The following CDK19 variants were observed in gnomAD, a reference collection of about 807,000 sequenced individuals.
CDK19 encodes the protein cyclin dependent kinase 19.
A neutral mutation model predicts 68.3 loss-of-function variants in CDK19; 20 were observed. The observed-to-expected ratio is 0.29, with a 90% confidence interval of 0.21 to 0.43. The LOEUF (loss-of-function observed/expected upper bound fraction) is 0.43, where lower values mean the gene tolerates loss of function less well. Among genes scored for constraint, CDK19 ranks in the 20% least tolerant of loss-of-function variants. The pLI, the probability that CDK19 is intolerant of heterozygous loss-of-function variation, is 1.00. For synonymous variants in CDK19, 221 were observed against 222.8 expected (o/e 0.99, Z 0.07); for missense variants, 339 against 623.5 (o/e 0.54, Z 4.86).
intron 1 of CDK19, among the ~76,000 whole-genome samples, chr6:110,760,915 C>T (rs115641699): frequency 0.014 from 2,117 of 152,254 alleles, 52 homozygotes; most frequent in African/African-American, 0.049. Flanking sequence ...GTGCTTTAAT[C>T]GCTATAGTGA....
chr6:110,764,806 C>T (rs1779458344), intron 1 of CDK19, among the ~76,000 whole-genome samples: 1 of 151,890 alleles, frequency 6.6e-6, no homozygotes, highest in African/African-American at 2.4e-5. Flanking sequence ...CAAAAATTTG[C>T]TGGGCGTGAT....
intron 4 of CDK19, among the ~76,000 whole-genome samples, chr6:110,642,057 C>A (rs1047906528): frequency 6.6e-6 from 1 of 152,004 alleles, no homozygotes; most frequent in African/African-American, 2.4e-5. Flanking sequence ...AATCCCAGCA[C>A]TTTGGGAGAC....
chr6:110,655,244 T>C (rs1781233889), intron 4 of CDK19, among the ~76,000 whole-genome samples: 1 of 151,632 alleles, frequency 6.6e-6, no homozygotes. Context: ...CACGCACCTG[T>C]AGTCCTAGCT....
At chr6:110,656,020 G>A (rs1377548199) in intron 4 of CDK19, among the ~76,000 whole-genome samples, 1 of 152,090 alleles carries the variant, frequency 6.6e-6, no homozygotes, top group Non-Finnish European at 1.5e-5. Flanking sequence ...TGCCTGGAAT[G>A]CTCTCCCCAC....
In CDK19 at chr6:110,631,250, A is replaced by C. The variant is rs183518230; in HGVS notation, c.646+780T>G. ...TTAGGAAATTTGGATACCTTGTAGAACTATCCCTTCTAACAGCTACAATGT... is the reference window on the plus strand; with the variant it reads ...TTAGGAAATTTGGATACCTTGTAGACCTATCCCTTCTAACAGCTACAATGT... On this transcript the variant is annotated intron_variant, in intron 6 of 12. Coordinates refer to ENST00000368911, the MANE Select transcript of CDK19 (RefSeq NM_015076.5). Among the ~76,000 whole-genome samples, 366 of 152,314 alleles carry C rather than the reference A, an allele frequency of 2.4e-3. 6 individuals carry two copies. The highest frequency in any genetic ancestry group is 1.3e-3 in the Non-Finnish European group (86 of 68,030).
At chr6:110,782,348 C>T (rs1780880404) in intron 1 of CDK19, among the ~76,000 whole-genome samples, 3 of 152,216 alleles carry the variant, frequency 2.0e-5, no homozygotes, top group Admixed American at 2.0e-4. Context: ...AGTTGCCAAA[C>T]TGATCACTGA....
At chr6:110,696,461 C>T (rs993249220) in intron 2 of CDK19, among the ~76,000 whole-genome samples, 1 of 152,162 alleles carries the variant, frequency 6.6e-6, no homozygotes, top group Non-Finnish European at 1.5e-5. Flanking sequence ...CCACTTTCCC[C>T]ACTTCTATTC....
intron 2 of CDK19, among the ~76,000 whole-genome samples, chr6:110,683,641 A>G (rs1772199798): frequency 1.3e-5 from 2 of 152,074 alleles, no homozygotes; most frequent in Admixed American, 6.6e-5. Context: ...GATAAATAAG[A>G]AATTCACATC....
At chr6:110,718,890 C>G (rs1028914399) in intron 2 of CDK19, among the ~76,000 whole-genome samples, 5 of 151,906 alleles carry the variant, frequency 3.3e-5, no homozygotes, top group African/African-American at 1.2e-4. Context: ...GAGTGTGGAG[C>G]AGTTAAGTGA....
chr6:110,804,822 G>A (rs1295260053), intron 1 of CDK19, among the ~76,000 whole-genome samples: 2 of 151,636 alleles, frequency 1.3e-5, no homozygotes, highest in Non-Finnish European at 2.9e-5. Flanking sequence ...CGGGCGTGGT[G>A]GCGAGCGTCT....
chr6:110,809,073 G>A (rs1311002798), intron 1 of CDK19, among the ~76,000 whole-genome samples: 1 of 151,864 alleles, frequency 6.6e-6, no homozygotes, highest in Non-Finnish European at 1.5e-5. Flanking sequence ...AAATTAGCCG[G>A]GCATGGTGGT....
At chr6:110,741,605 T>C (rs1046015492) in intron 2 of CDK19, among the ~76,000 whole-genome samples, 4 of 149,116 alleles carry the variant, frequency 2.7e-5, no homozygotes, top group African/African-American at 9.9e-5. Context: ...CCAAGACACA[T>C]CATAGGCAAA....
In CDK19 at chr6:110,815,056, C is replaced by T. The variant is rs1202877459; in HGVS notation, c.81G>A (p.Val27=). The part of the protein sequence containing the change: ...EDLFEYEGCK[V]GRGTYGHVYK... ...AGACGTGACCGTAGGTGCCGCGTCC[C>T]ACTTTGCACCCTTCGTACTCAAACA... Residue 27 remains valine (V), a synonymous_variant, in exon 1 of 13, where the codon GTG becomes GTA. Coordinates refer to ENST00000368911, the MANE Select transcript of CDK19 (RefSeq NM_015076.5). 6 of 1,606,188 alleles carry T rather than the reference C, an allele frequency of 3.7e-6. No homozygotes were observed. The highest frequency in any genetic ancestry group is 5.1e-6 in the Non-Finnish European group (6 of 1,176,958).
chr6:110,695,776 C>T (rs1385812917), intron 2 of CDK19, among the ~76,000 whole-genome samples: 1 of 151,802 alleles, frequency 6.6e-6, no homozygotes, highest in South Asian at 2.1e-4. Flanking sequence ...AAATATACAA[C>T]CCTCCTAGAT....
intron 1 of CDK19, among the ~76,000 whole-genome samples, chr6:110,802,719 A>C (rs1298360327): frequency 6.6e-6 from 1 of 152,242 alleles, no homozygotes; most frequent in Admixed American, 6.5e-5. Context: ...TCACATTGAC[A>C]TCAGAGATAG....
In CDK19 at chr6:110,699,685, T is replaced by A. The variant is rs766949545; in HGVS notation, c.205-29144A>T. ...AATTCACCACTATATAATTCATCCA[T>A]GTAACCAAAAACTACTTGTACCCCA... is the stretch of plus-strand genomic sequence containing the variant. On this transcript the variant is annotated intron_variant, in intron 2 of 12. Transcript: ENST00000368911. Among the ~76,000 whole-genome samples, 2 of 152,172 alleles carry A rather than the reference T, an allele frequency of 1.3e-5. 1 individual carries two copies. Among genetic ancestry groups the A allele is most frequent in the South Asian group, 4.1e-4 (2 of 4,836 alleles).
At chr6:110,622,455 G>A (rs1330753577) in intron 10 of CDK19, among the ~76,000 whole-genome samples, 1 of 152,232 alleles carries the variant, frequency 6.6e-6, no homozygotes, top group Non-Finnish European at 1.5e-5. Context: ...TAAGAAGGAT[G>A]AAGGAGTAGA....
chr6:110,712,295 C>T (rs1364728707), intron 2 of CDK19, among the ~76,000 whole-genome samples: 1 of 152,182 alleles, frequency 6.6e-6, no homozygotes, highest in Non-Finnish European at 1.5e-5. Flanking sequence ...GAATCTTCTC[C>T]TCTCTTCCAA....
chr6:110,622,070 A>T lies in CDK19; in HGVS notation c.1110+18T>A. 1 of 1,521,236 alleles carries T rather than the reference A, an allele frequency of 6.6e-7. No individual in the cohort carries two copies. The highest frequency in any genetic ancestry group is 9.0e-7 in the Non-Finnish European group (1 of 1,107,822). The allele number at this position is 1,521,236 out of a possible 1,614,324, so 94.2% of individuals were successfully genotyped here. On this transcript the variant is annotated intron_variant, in intron 11 of 12. Coordinates refer to ENST00000368911, the MANE Select transcript of CDK19 (RefSeq NM_015076.5). ...TCCCTTGCTCTTTGGAAGTGAAAGT[A>T]TACCGTGCAGTTTATACCTTGTCAC... is the stretch of plus-strand genomic sequence containing the variant.
Sources: allele counts gnomAD v4.1 joint callset (sites outside exome capture counted in the v4.1 genomes callset), GRCh38; gene constraint gnomAD v4.1.1; transcripts MANE v1.5; gene names NCBI Gene and HGNC (gene_info 2026-07-23, HGNC 2026-07-21).